Variants in ENTPD5 observed in about 807,000 individuals in gnomAD.
ENTPD5 encodes the protein nucleoside diphosphate phosphatase ENTPD5.
A neutral mutation model predicts 60.2 loss-of-function variants in ENTPD5; 49 were observed. The observed-to-expected ratio is 0.81, with a 90% CI of 0.65 to 1.03. The LOEUF is 1.03. Ranked by LOEUF, ENTPD5 falls within the 50% of genes least tolerant of loss-of-function variation. The probability of loss-of-function intolerance (pLI) is 0.00; values close to 1 mark genes in which losing one functional copy is unlikely to be tolerated. For missense variants in ENTPD5, 480 were observed against 507.6 expected (o/e 0.95, Z 0.52); for synonymous variants, 187 against 185.4 (o/e 1.01, Z -0.07).
At chr14:73,993,211 C>T (rs946855383) in intron 3 of ENTPD5, among the ~76,000 whole-genome samples, 3 of 152,040 alleles carry the variant, frequency 2.0e-5, no homozygotes, top group Non-Finnish European at 4.4e-5. Flanking sequence ...GTGGCATGCA[C>T]CTGTGGTCCT....
Position 74,006,377 on chromosome 14 carries a change from G to A in ENTPD5, c.-71+4714C>T, listed in dbSNP as rs373751090. 5.2e-3 allele frequency among the ~76,000 whole-genome samples: 761 copies of A among 147,680 alleles called. 4 individuals carry two copies. Among genetic ancestry groups the A allele is most frequent in the Admixed American group, 7.3e-3 (105 of 14,332 alleles). On this transcript the variant is annotated intron_variant, in intron 3 of 15. Transcript: ENST00000334696. ...CGGCTCACTGCAAGCTCCGCTTCCC[G>A]GGTTCACACCATTCTCCTGCCTCAG...
chr14:74,008,492 G>A (rs965838300), intron 3 of ENTPD5, among the ~76,000 whole-genome samples: 8 of 150,622 alleles, frequency 5.3e-5, no homozygotes, highest in Non-Finnish European at 8.8e-5. Context: ...GCAGGTTCAC[G>A]CCACCATTCT....
At position 73,989,970 on chromosome 14, in the gene ENTPD5, A is replaced by G. The variant is rs182170279; in HGVS notation, c.-70-1798T>C. 2.3e-3 allele frequency among the ~76,000 whole-genome samples: 355 copies of G among 152,076 alleles called. 3 individuals carry two copies. Among genetic ancestry groups the G allele is most frequent in the Non-Finnish European group, 2.0e-3 (135 of 67,982 alleles). Reference sequence around the variant, plus strand: ...TCCAGTGAGCAGACATCGCCCCACTACATTCCAGCTTGGGCAACAGAGCAA... The same window carrying G: ...TCCAGTGAGCAGACATCGCCCCACTGCATTCCAGCTTGGGCAACAGAGCAA... On this transcript the variant is annotated intron_variant, in intron 3 of 15. Transcript: ENST00000334696.
intron 12 of ENTPD5, 119 bp downstream of exon 12, chr14:73,973,758 T>C: frequency 1.2e-6 from 1 of 801,586 alleles, no homozygotes; most frequent in Non-Finnish European, 2.1e-6. Context: ...CCAAGATCTT[T>C]GGAATAAGTC....
intron 12 of ENTPD5, 139 bp downstream of exon 12, chr14:73,973,738 T>G (rs11623041): frequency 1.4e-6 from 1 of 691,922 alleles, no homozygotes; most frequent in East Asian, 2.8e-5. Context: ...CATTAGTCCT[T>G]GGAGGCATGC....
At chr14:73,985,450 GGT>G (rs1386458536) in intron 5 of ENTPD5, among the ~76,000 whole-genome samples, 2 of 152,132 alleles carry the variant, frequency 1.3e-5, no homozygotes, top group African/African-American at 4.8e-5. Context: ...GGTGTGAGAT[GGT>G]GTCTCATTGT....
At chr14:73,971,523 T>A (rs374020662) in intron 14 of ENTPD5, among the ~76,000 whole-genome samples, 4 of 152,068 alleles carry the variant, frequency 2.6e-5, no homozygotes, top group East Asian at 1.9e-4. Context: ...TGAAAAAAAA[T>A]TTATTTTTTT....
rs532148981 is a variant in ENTPD5, at chr14:74,012,153, G to A, written c.-130-1003C>T. Among the ~76,000 whole-genome samples, 6 of 152,186 alleles carry A rather than the reference G, an allele frequency of 3.9e-5. No individual in the cohort carries two copies. In the East Asian group the frequency reaches 9.6e-4, roughly 24 times the overall value. On this transcript the variant is annotated intron_variant, in intron 2 of 15. Transcript: ENST00000334696. Reference sequence around the variant, plus strand: ...GGAGTCTCACTCTGTCATCCAGGCTGGAGTGCAATGGCATGATCTCGGCTC... The same window carrying A: ...GGAGTCTCACTCTGTCATCCAGGCTAGAGTGCAATGGCATGATCTCGGCTC...
chr14:73,985,680 G>A (rs7148332), intron 5 of ENTPD5, among the ~76,000 whole-genome samples: 129 of 151,994 alleles, frequency 8.5e-4, no homozygotes, highest in Non-Finnish European at 1.3e-3. Flanking sequence ...ATTTTCTCCC[G>A]TTCTGTAGGT....
chr14:74,000,376 G>A (rs2058470455), intron 3 of ENTPD5, among the ~76,000 whole-genome samples: 2 of 151,722 alleles, frequency 1.3e-5, no homozygotes, highest in Admixed American at 1.3e-4. Flanking sequence ...AGGATTGCTT[G>A]AGCCCCCTGG....
chr14:73,977,625 T>C (rs925040591), intron 6 of ENTPD5, among the ~76,000 whole-genome samples: 2 of 152,174 alleles, frequency 1.3e-5, no homozygotes, highest in African/African-American at 2.4e-5. Context: ...TCTAAATGTA[T>C]AGGTGAACTG....
At chr14:74,005,217 G>C (rs2058633892) in intron 3 of ENTPD5, among the ~76,000 whole-genome samples, 1 of 136,992 alleles carries the variant, frequency 7.3e-6, no homozygotes, top group Admixed American at 8.1e-5. Flanking sequence ...AGTGAGCTGA[G>C]ATCGCACCAT....
In ENTPD5 at chr14:73,973,886, T is replaced by G; in HGVS notation, c.877A>C (p.Asn293His). 2 of 1,613,912 alleles carry G rather than the reference T, an allele frequency of 1.2e-6. No individual in the cohort carries two copies. Among genetic ancestry groups the G allele is most frequent in the Non-Finnish European group, 1.7e-6 (2 of 1,179,760 alleles). Residue 293 changes from asparagine to histidine, a missense_variant, in exon 12 of 16, where the codon AAC becomes CAC. Physicochemically the swap from Asn to His is moderately conservative, Grantham distance 68. Coordinates refer to ENST00000334696, the MANE Select transcript of ENTPD5 (RefSeq NM_001249.5). ...AAAAAACATCACTTGCCTTCTTGGT[T>G]GCCACCATACTGGTATTTCACACCC... is the stretch of plus-strand genomic sequence containing the variant. ...FGGVKYQYGG[N>H]QEGEVGFEPC...
chr14:73,959,499 G>C, downstream of ENTPD5: 1 of 1,614,116 alleles, frequency 6.2e-7, no homozygotes, highest in Non-Finnish European at 8.5e-7. Flanking sequence ...GGAAAAATTT[G>C]TGGATGCCGT....
At chr14:74,012,979 C>A (rs1374033955) in intron 2 of ENTPD5, among the ~76,000 whole-genome samples, 3 of 152,320 alleles carry the variant, frequency 2.0e-5, no homozygotes, top group South Asian at 2.1e-4. Context: ...GAGTTCCCAG[C>A]CTACCTTTTT....
intron 3 of ENTPD5, among the ~76,000 whole-genome samples, chr14:73,989,041 C>G (rs1282841172): frequency 1.3e-5 from 2 of 151,216 alleles, no homozygotes; most frequent in African/African-American, 4.9e-5. Flanking sequence ...TCAGGCTGGT[C>G]TCGAACTCCT....
At chr14:73,959,304 C>G, downstream of ENTPD5, 3 of 1,614,144 alleles carry the variant, frequency 1.9e-6, no homozygotes, top group Non-Finnish European at 2.5e-6. Context: ...TTTCTGGTTT[C>G]AAGGGAATCT....
rs139177593 is a variant in ENTPD5 at position 73,973,941 on chromosome 14, C to T, written c.822G>A (p.Pro274=). 641 of 1,614,078 alleles carry T rather than the reference C, an allele frequency of 4.0e-4. 1 individual carries two copies. Among genetic ancestry groups the T allele is most frequent in the Non-Finnish European group, 5.0e-4 (592 of 1,180,012 alleles). Residue 274 remains proline (P), a synonymous_variant, in exon 12 of 16, where the codon CCG becomes CCA. Transcript: ENST00000334696. ...DGHTFRSACL[P]RWLEAEWIFG... ...AGATCCACTCTGCTTCCAACCATCT[C>T]GGTAAACAGGCACTCCGGAAAGTGT...
chr14:73,982,223 C>T (rs1200182386), intron 6 of ENTPD5, among the ~76,000 whole-genome samples: 6 of 151,818 alleles, frequency 4.0e-5, no homozygotes, highest in Admixed American at 1.3e-4. Flanking sequence ...TACAGGCGTG[C>T]GCCACAATGC....
Sources: allele counts gnomAD v4.1 joint callset (sites outside exome capture counted in the v4.1 genomes callset), GRCh38; gene constraint gnomAD v4.1.1; transcripts MANE v1.5; gene names NCBI Gene and HGNC (gene_info 2026-07-23, HGNC 2026-07-21).